TRPM7: variants seen among roughly 807,000 people sequenced by gnomAD.
TRPM7 encodes transient receptor potential cation channel subfamily M member 7, also known as LTRPC ion channel family member 7.
In TRPM7, 134 loss-of-function variants were observed where a neutral mutation model predicts 229.7. That is an observed-to-expected ratio of 0.58 (90% CI 0.51 to 0.67). The LOEUF (loss-of-function observed/expected upper bound fraction) is 0.67, where lower values mean the gene tolerates loss of function less well. TRPM7 is among the 30% of genes least tolerant of loss of function. The pLI is 0.00. For synonymous variants in TRPM7, 699 were observed against 715.2 expected, an observed-to-expected ratio of 0.98 and a Z score of 0.36; for missense variants, 1,901 against 2,210.0, an observed-to-expected ratio of 0.86 and a Z score of 2.80.
chr15:50,603,243 G>C (rs2059826869), intron 21 of TRPM7, among the ~76,000 whole-genome samples: 1 of 151,948 alleles, frequency 6.6e-6, no homozygotes, highest in African/African-American at 2.4e-5. Flanking sequence ...TAAAAATCTT[G>C]TTTTCAAGAT....
In TRPM7 at chr15:50,558,855, T is replaced by C. The variant is rs1335008790; in HGVS notation, c.*2823A>G. ...CTGCAGTGAGCTATGATCACGCTAC[T>C]ACACTCCAGCCTGGGCAACAGAGCA... On this transcript the variant is annotated 3_prime_UTR_variant, in exon 39 of 39. Coordinates refer to ENST00000646667, the MANE Select transcript of TRPM7 (RefSeq NM_017672.6). 2 of 128,402 alleles carry C rather than the reference T, an allele frequency of 1.6e-5. No homozygotes were observed. Among genetic ancestry groups the C allele is most frequent in the South Asian group, 5.2e-4 (2 of 3,866 alleles). The allele number at this position is 128,402 out of a possible 1,614,324, so 8.0% of individuals were successfully genotyped here.
intron 21 of TRPM7, among the ~76,000 whole-genome samples, chr15:50,603,554 C>T (rs2059837375): frequency 6.7e-6 from 1 of 148,434 alleles, no homozygotes; most frequent in Non-Finnish European, 1.5e-5. Flanking sequence ...TGAGTGAGAA[C>T]ATGCGGTGTT....
At chr15:50,616,275 T>C (rs972237712) in intron 13 of TRPM7, among the ~76,000 whole-genome samples, 2 of 152,220 alleles carry the variant, frequency 1.3e-5, no homozygotes, top group African/African-American at 4.8e-5. Context: ...TTTAAAGATT[T>C]ATCACTTATA....
At chr15:50,593,492 T>A (rs902258904) in intron 25 of TRPM7, 125 bp downstream of exon 25, 1 of 1,016,502 alleles carries the variant, frequency 9.8e-7, no homozygotes, top group Non-Finnish European at 1.4e-6. Context: ...TTCCAATACA[T>A]CATGTAAAAC....
chr15:50,643,416 C>T lies in TRPM7; in HGVS notation c.459G>A (p.Lys153=). The T allele has an allele frequency of 6.2e-7, 1 of 1,614,184 alleles. No individual in the cohort carries two copies. The change falls in exon 5 of 39, where the codon AAG becomes AAA. Residue 153 remains lysine (K), a synonymous_variant. Transcript: ENST00000646667. ...TAATAAGACCTTTTCCAAGCAACTGCTTGATTCGTGGGTGAAGCTCAAATT... is the reference window on the plus strand; with the variant it reads ...TAATAAGACCTTTTCCAAGCAACTGTTTGATTCGTGGGTGAAGCTCAAATT... ...MQKFELHPRI[K]QLLGKGLIKA...
chr15:50,637,927 G>A (rs937926552), intron 6 of TRPM7, among the ~76,000 whole-genome samples: 3 of 152,186 alleles, frequency 2.0e-5, no homozygotes, highest in South Asian at 4.1e-4. Flanking sequence ...ATATATAAAA[G>A]ATATTGTGGC....
Position 50,612,794 on chromosome 15 carries a change from T to C in TRPM7, c.1806A>G (p.Arg602=), listed in dbSNP as rs756048922. 6.2e-7 allele frequency: 1 copy of C among 1,613,672 alleles called. No individual in the cohort carries two copies. Among genetic ancestry groups the C allele is most frequent in the Admixed American group, 1.7e-5 (1 of 59,996 alleles). ...DTVMEEGKKK[R]TKDEIVDIDD... is the part of the protein sequence containing the mutation. Reference sequence around the variant, plus strand: ...CAATGTCTACAATTTCATCTTTGGTTCTTTTCTTCTTTCCTTCTTCCATAA... The same window carrying C: ...CAATGTCTACAATTTCATCTTTGGTCCTTTTCTTCTTTCCTTCTTCCATAA... The change falls in exon 16 of 39, where the codon AGA becomes AGG. Residue 602 remains arginine (R), a synonymous_variant. Transcript: ENST00000646667.
chr15:50,624,139 C>A, intron 12 of TRPM7, 27 bp downstream of exon 12: 3 of 1,580,742 alleles, frequency 1.9e-6, no homozygotes, highest in South Asian at 1.2e-5. Flanking sequence ...AAAATGTAGT[C>A]AATAAAGAAT....
chr15:50,604,828 A>G, intron 21 of TRPM7, 38 bp downstream of exon 21: 2 of 1,510,444 alleles, frequency 1.3e-6, no homozygotes, highest in Non-Finnish European at 1.8e-6. Flanking sequence ...TAAAAAATCA[A>G]TAAACCCACG....
intron 1 of TRPM7, among the ~76,000 whole-genome samples, chr15:50,667,122 T>C (rs886295709): frequency 6.6e-6 from 1 of 152,050 alleles, no homozygotes; most frequent in Admixed American, 6.6e-5. Flanking sequence ...GCAGCATTGA[T>C]TGGCCGACTC....
At chr15:50,620,257 G>C (rs12438305) in intron 12 of TRPM7, among the ~76,000 whole-genome samples, 58,174 of 151,562 alleles carry the variant, frequency 0.38, 11,687 homozygotes, top group Admixed American at 0.49. Context: ...TATGGCCCAA[G>C]ACAAATTTGT....
chr15:50,652,189 C>T (rs572414783), intron 3 of TRPM7, among the ~76,000 whole-genome samples: 1 of 150,908 alleles, frequency 6.6e-6, no homozygotes, highest in African/African-American at 2.4e-5. Context: ...AAAACTTCAC[C>T]GGGTGTGGTG....
intron 3 of TRPM7, among the ~76,000 whole-genome samples, chr15:50,656,009 CA>C (rs58988824): frequency 0.51 from 70,818 of 139,188 alleles, 17,992 homozygotes; most frequent in Admixed American, 0.61. Context: ...AAGAAAAAAA[CA>C]AAAAAAAAAA....
intron 24 of TRPM7, 67 bp downstream of exon 24, chr15:50,594,362 T>A: frequency 7.3e-7 from 1 of 1,367,872 alleles, no homozygotes; most frequent in Admixed American, 2.2e-5. Context: ...AAAATCAATA[T>A]ATAGCCTTTG....
At chr15:50,591,877 T>C in intron 26 of TRPM7, 34 bp downstream of exon 26, 1 of 1,386,114 alleles carries the variant, frequency 7.2e-7, no homozygotes, top group Non-Finnish European at 9.8e-7. Context: ...AAGTAAATAA[T>C]ATTGATATAC....
At chr15:50,584,402 T>C (rs970953138) in intron 28 of TRPM7, among the ~76,000 whole-genome samples, 2 of 152,190 alleles carry the variant, frequency 1.3e-5, no homozygotes, top group Non-Finnish European at 2.9e-5. Context: ...ACTGTAACTA[T>C]ACTTGGTGGA....
chr15:50,648,463 A>C (rs552730633), intron 4 of TRPM7, among the ~76,000 whole-genome samples: 46 of 152,350 alleles, frequency 3.0e-4, no homozygotes, highest in African/African-American at 1.1e-3. Flanking sequence ...TTGCAGAAAA[A>C]GCAAACCATG....
intron 4 of TRPM7, among the ~76,000 whole-genome samples, chr15:50,648,140 C>A (rs931988419): frequency 1.9e-5 from 2 of 106,726 alleles, no homozygotes; most frequent in African/African-American, 6.4e-5. Flanking sequence ...GCATAGATTA[C>A]ATCCAAATAC....
In TRPM7 at chr15:50,586,492, C is replaced by G. The variant is rs1422962532; in HGVS notation, c.4390-4G>C. ...TGTTTTCAGAAGTATTGTTATTCTG[C>G]AAATATTGTGCAGACATATAATTTG... On this transcript the variant is annotated splice_polypyrimidine_tract_variant and splice_region_variant and intron_variant, in intron 27 of 38. Transcript: ENST00000646667. 1 of 1,587,334 alleles carries G rather than the reference C, an allele frequency of 6.3e-7. No homozygotes were observed. Among genetic ancestry groups the G allele is most frequent in the South Asian group, 1.1e-5 (1 of 90,234 alleles).
Sources: gnomAD v4.1 joint callset for allele counts (sites outside exome capture counted in the v4.1 genomes callset) on GRCh38, gnomAD v4.1.1 for gene constraint, MANE v1.5 for transcripts, NCBI Gene and HGNC (gene_info 2026-07-23, HGNC 2026-07-21) for gene names.